EPB41L2: variants seen among roughly 807,000 people sequenced by gnomAD.
EPB41L2 encodes erythrocyte membrane protein band 4.1 like 2, also known as band 4.1-like protein 2.
A neutral mutation model predicts 113.0 loss-of-function variants in EPB41L2; 43 were observed. That is an observed-to-expected ratio of 0.38 (90% CI 0.30 to 0.49). The LOEUF (loss-of-function observed/expected upper bound fraction) is 0.49, where lower values mean the gene tolerates loss of function less well. Among genes scored for constraint, EPB41L2 ranks in the 20% least tolerant of loss-of-function variants. EPB41L2 has a pLI of 0.95. For missense variants in EPB41L2, 1,147 were observed against 1,223.4 expected (o/e 0.94, Z 0.93); for synonymous variants, 442 against 436.7 (o/e 1.01, Z -0.15).
chr6:130,894,528 G>T lies in EPB41L2; in HGVS notation c.1390-87C>A, dbSNP rs57668625. ...AAAGCATGCATTCAGATGTTTCTGT[G>T]AGAAGCAATTATTCTTCTCAAAAAA... On this transcript the variant is annotated intron_variant, in intron 9 of 19. Coordinates refer to ENST00000337057, the MANE Select transcript of EPB41L2 (RefSeq NM_001431.4). 6.0e-3 allele frequency: 7,080 copies of T among 1,182,122 alleles called. 325 individuals carry two copies. The African/African-American group carries it at 0.093, about 15-fold the overall frequency. 73.2% of individuals were successfully genotyped at this position (1,182,122 alleles called of 1,614,324 possible). A position where few individuals can be genotyped will look rare whatever the true frequency, so the allele number is the denominator to read the frequency against.
chr6:130,941,783 A>T (rs1685515583), intron 3 of EPB41L2, among the ~76,000 whole-genome samples: 1 of 152,190 alleles, frequency 6.6e-6, no homozygotes, highest in South Asian at 2.1e-4. Context: ...CAAATGAAGT[A>T]CACTTATGAG....
At chr6:130,979,303 T>C (rs148152391) in intron 1 of EPB41L2, among the ~76,000 whole-genome samples, 3 of 151,656 alleles carry the variant, frequency 2.0e-5, no homozygotes, top group Non-Finnish European at 2.9e-5. Flanking sequence ...CTGGCCAACA[T>C]AGCAAAACCC....
chr6:131,018,355 T>G (rs1014691633), intron 1 of EPB41L2, among the ~76,000 whole-genome samples: 1 of 152,138 alleles, frequency 6.6e-6, no homozygotes, highest in African/African-American at 2.4e-5. Context: ...TGGCCACCAC[T>G]GAGACCTCTA....
chr6:130,905,412 T>C (rs902400990), intron 5 of EPB41L2, among the ~76,000 whole-genome samples: 3 of 149,310 alleles, frequency 2.0e-5, no homozygotes, highest in African/African-American at 7.6e-5. Context: ...TGTGTGTATA[T>C]ATGTTATTCC....
intron 19 of EPB41L2, among the ~76,000 whole-genome samples, chr6:130,855,632 T>C (rs1177105770): frequency 1.3e-5 from 2 of 152,212 alleles, no homozygotes; most frequent in Non-Finnish European, 2.9e-5. Flanking sequence ...CCTCATTTGA[T>C]TAAAAAACTA....
At position 130,890,457 on chromosome 6, in the gene EPB41L2, A is replaced by G. The variant is rs756584154; in HGVS notation, c.1497T>C (p.Ser499=). 33 of 1,594,178 alleles carry G rather than the reference A, an allele frequency of 2.1e-5. No individual in the cohort carries two copies. The Admixed American group carries it at 5.8e-4, about 28-fold the overall frequency. Residue 499 remains serine (S), a synonymous_variant, in exon 11 of 20, where the codon TCT becomes TCC. Transcript: ENST00000337057. Reference sequence around the variant, plus strand: ...ACTTGGCTTTTGGTGGCTGCTCTGGAGAAACAAGCCTATGGGAGGAAAAAA... The same window carrying G: ...ACTTGGCTTTTGGTGGCTGCTCTGGGGAAACAAGCCTATGGGAGGAAAAAA... ...VEHHTFYRLV[S]PEQPPKAKFL... is the part of the protein sequence containing the mutation.
intron 19 of EPB41L2, among the ~76,000 whole-genome samples, chr6:130,844,176 A>G (rs1477579781): frequency 6.6e-6 from 1 of 152,246 alleles, no homozygotes; most frequent in East Asian, 1.9e-4. Flanking sequence ...CAACAATGCA[A>G]ATAATACAAG....
chr6:130,887,318 G>C, intron 11 of EPB41L2, among the ~76,000 whole-genome samples: 1 of 152,182 alleles, frequency 6.6e-6, no homozygotes, highest in Non-Finnish European at 1.5e-5. Context: ...TCCCACTAAA[G>C]GGAAGACCAC....
intron 19 of EPB41L2, among the ~76,000 whole-genome samples, chr6:130,853,358 C>T (rs1371855907): frequency 6.6e-6 from 1 of 152,150 alleles, no homozygotes; most frequent in Non-Finnish European, 1.5e-5. Flanking sequence ...TGAGACCACA[C>T]AGATCACACC....
At chr6:130,987,257 T>C (rs1245178419) in intron 1 of EPB41L2, among the ~76,000 whole-genome samples, 1 of 152,208 alleles carries the variant, frequency 6.6e-6, no homozygotes, top group African/African-American at 2.4e-5. Context: ...GCAGAACTGC[T>C]GGATCGAATA....
chr6:130,856,681 G>T (rs145448960), intron 19 of EPB41L2, among the ~76,000 whole-genome samples: 1 of 152,204 alleles, frequency 6.6e-6, no homozygotes, highest in African/African-American at 2.4e-5. Flanking sequence ...ATTCCTGTGG[G>T]TTACCTATCT....
At chr6:130,958,910 C>T (rs144801016) in intron 1 of EPB41L2, among the ~76,000 whole-genome samples, 90 of 152,280 alleles carry the variant, frequency 5.9e-4, no homozygotes, top group African/African-American at 2.0e-3. Flanking sequence ...TTTCACTTAG[C>T]GCAACCTGGC....
chr6:130,944,207 AAATGCC>A (rs1811984621), intron 3 of EPB41L2, among the ~76,000 whole-genome samples: 2 of 150,956 alleles, frequency 1.3e-5, no homozygotes, highest in African/African-American at 4.9e-5. Flanking sequence ...ACACACACAC[AAATGCC>A]CAAATCTTTG....
At chr6:130,951,297 TGC>T (rs1814924774) in intron 3 of EPB41L2, among the ~76,000 whole-genome samples, 1 of 127,584 alleles carries the variant, frequency 7.8e-6, no homozygotes, top group Admixed American at 8.1e-5. Context: ...AGAAAAAAGA[TGC>T]TCAGCCTCAG....
intron 3 of EPB41L2, among the ~76,000 whole-genome samples, chr6:130,953,511 C>G (rs1418546078): frequency 6.6e-6 from 1 of 151,874 alleles, no homozygotes; most frequent in Non-Finnish European, 1.5e-5. Context: ...ACACTGGGGC[C>G]TATCATGGGG....
chr6:130,957,132 C>A (rs1817695241), intron 1 of EPB41L2, among the ~76,000 whole-genome samples: 1 of 152,144 alleles, frequency 6.6e-6, no homozygotes, highest in African/African-American at 2.4e-5. Flanking sequence ...AAAAGGTACT[C>A]AAATTCTAAT....
intron 11 of EPB41L2, among the ~76,000 whole-genome samples, chr6:130,886,329 T>C (rs1408468819): frequency 6.6e-6 from 1 of 152,174 alleles, no homozygotes; most frequent in African/African-American, 2.4e-5. Context: ...TTAATTCTTT[T>C]CCAGTCTTGC....
chr6:130,891,788 A>T (rs1292039915), intron 10 of EPB41L2, among the ~76,000 whole-genome samples: 1 of 152,164 alleles, frequency 6.6e-6, no homozygotes, highest in African/African-American at 2.4e-5. Flanking sequence ...ACTAGTATCA[A>T]TCTAGCTGAT....
intron 4 of EPB41L2, among the ~76,000 whole-genome samples, chr6:130,923,036 C>A (rs918077305): frequency 1.3e-5 from 2 of 152,138 alleles, no homozygotes; most frequent in Non-Finnish European, 2.9e-5. Context: ...TATCCCCTAC[C>A]AACCCCCCAG....
Sources: allele counts gnomAD v4.1 joint callset (sites outside exome capture counted in the v4.1 genomes callset), GRCh38; gene constraint gnomAD v4.1.1; transcripts MANE v1.5; gene names NCBI Gene and HGNC (gene_info 2026-07-23, HGNC 2026-07-21).